Variants in UNC80 observed in about 807,000 individuals in gnomAD.
UNC80 encodes unc-80 subunit of NALCN channel complex.
A neutral mutation model predicts 384.6 loss-of-function variants in UNC80; 164 were observed. That is an observed-to-expected ratio of 0.43 (90% CI 0.38 to 0.49). UNC80 has a LOEUF of 0.49. Among genes scored for constraint, UNC80 ranks in the 20% least tolerant of loss-of-function variants. The pLI is 0.00. For missense variants in UNC80, 3,330 were observed against 4,143.0 expected, an observed-to-expected ratio of 0.80 and a Z score of 5.39; for synonymous variants, 1,486 against 1,527.8, an observed-to-expected ratio of 0.97 and a Z score of 0.64.
At chr2:209,966,863 G>A (rs571273419) in intron 51 of UNC80, among the ~76,000 whole-genome samples, 28 of 152,290 alleles carry the variant, frequency 1.8e-4, no homozygotes, top group Admixed American at 1.6e-3. Flanking sequence ...AACAAGAGAG[G>A]AGGAGGCTTT....
chr2:209,803,988 C>T (rs2078723908), intron 7 of UNC80, among the ~76,000 whole-genome samples: 1 of 152,182 alleles, frequency 6.6e-6, no homozygotes. Flanking sequence ...CCTCCTGCCT[C>T]AGCCTTTCAC....
At chr2:209,855,062 T>C in intron 22 of UNC80, among the ~76,000 whole-genome samples, 1 of 152,196 alleles carries the variant, frequency 6.6e-6, no homozygotes, top group Non-Finnish European at 1.5e-5. Flanking sequence ...CCATCAATAA[T>C]AGACCGGATA....
chr2:209,787,721 A>C (rs2077529665), intron 5 of UNC80, among the ~76,000 whole-genome samples: 1 of 152,220 alleles, frequency 6.6e-6, no homozygotes, highest in Non-Finnish European at 1.5e-5. Context: ...AGCCCATACA[A>C]TTATATACGC....
At chr2:209,800,498 A>G (rs1351315994) in intron 7 of UNC80, among the ~76,000 whole-genome samples, 1 of 151,288 alleles carries the variant, frequency 6.6e-6, no homozygotes. Flanking sequence ...ATTTAAAAAA[A>G]AAAAAACAGC....
intron 21 of UNC80, among the ~76,000 whole-genome samples, chr2:209,848,330 G>A (rs1375819074): frequency 6.6e-6 from 1 of 151,948 alleles, no homozygotes; most frequent in East Asian, 1.9e-4. Context: ...AAACACTGAA[G>A]GTATTGAATT....
At position 209,967,419 on chromosome 2, in the gene UNC80, C is replaced by T. The variant is rs544326520; in HGVS notation, c.7806-18C>T. On this transcript the variant is annotated intron_variant, in intron 51 of 64. Coordinates refer to ENST00000673920, the MANE Select transcript of UNC80 (RefSeq NM_001371986.1). ...AAGCTTATACTTTAAAATATATATACATATATATATATTTTAGGTTGGCAG... is the reference window on the plus strand; with the variant it reads ...AAGCTTATACTTTAAAATATATATATATATATATATATTTTAGGTTGGCAG... The T allele has an allele frequency of 6.8e-7, 1 of 1,478,888 alleles. No individual in the cohort carries two copies. Among genetic ancestry groups the T allele is most frequent in the Non-Finnish European group, 9.1e-7 (1 of 1,098,440 alleles). The allele number at this position is 1,478,888 out of a possible 1,614,324, so 91.6% of individuals were successfully genotyped here. A position where few individuals can be genotyped will look rare whatever the true frequency, so the allele number is the denominator to read the frequency against.
intron 31 of UNC80, among the ~76,000 whole-genome samples, chr2:209,914,648 A>ATTGT (rs2089316565): frequency 8.8e-6 from 1 of 114,278 alleles, no homozygotes; most frequent in Non-Finnish European, 1.8e-5. Context: ...TCTAGGGTAA[A>ATTGT]CTGTGTGTGT....
chr2:209,971,024 C>T, intron 54 of UNC80, 67 bp downstream of exon 54: 1 of 1,494,162 alleles, frequency 6.7e-7, no homozygotes, highest in Non-Finnish European at 8.9e-7. Flanking sequence ...TCATGGTGTT[C>T]TCGTTTTTTT....
At chr2:209,844,487 C>T (rs1223368927) in intron 21 of UNC80, among the ~76,000 whole-genome samples, 5 of 82,768 alleles carry the variant, frequency 6.0e-5, no homozygotes, top group Admixed American at 1.2e-4. Context: ...TTCCTTCCTT[C>T]CTTCCTTCCT....
chr2:209,976,341 CAAAT>C lies in UNC80; in HGVS notation c.8772+39_8772+42del. 1 of 1,551,202 alleles carries C rather than the reference CAAAT, an allele frequency of 6.4e-7. No individual in the cohort carries two copies. The highest frequency in any genetic ancestry group is 1.4e-5 in the African/African-American group (1 of 73,126). ...CTTCTCCTCCTGAAAGTGGCAAGCTCAAATGAATGTGTGGCTCTCTACTGAGGCA... is the reference window on the plus strand; with the variant it reads ...CTTCTCCTCCTGAAAGTGGCAAGCTCGAATGTGTGGCTCTCTACTGAGGCA... On this transcript the variant is annotated intron_variant, in intron 57 of 64. Transcript: ENST00000673920. This position sits in a 1 kb window ranked among gnomAD's most constrained non-coding sequence, Gnocchi z 4.3.
Position 209,959,545 on chromosome 2 carries a change from A to C in UNC80, c.7643A>C (p.Glu2548Ala). The C allele has an allele frequency of 6.4e-7, 1 of 1,551,708 alleles. No homozygotes were observed. Among genetic ancestry groups the C allele is most frequent in the Non-Finnish European group, 8.7e-7 (1 of 1,146,994 alleles). Reference protein sequence around the residue: ...GQGIPREELDERIAREEFRRP... With the variant: ...GQGIPREELDARIAREEFRRP... ...GGCATTCCCAGAGAGGAACTGGATGAACGAATTGCTCGGGAAGAGTTCAGA... is the reference window on the plus strand; with the variant it reads ...GGCATTCCCAGAGAGGAACTGGATGCACGAATTGCTCGGGAAGAGTTCAGA... The change falls in exon 51 of 65, where the codon GAA (glutamate) becomes GCA (alanine). Residue 2548 changes from glutamate to alanine, a missense_variant. Transcript: ENST00000673920.
intron 52 of UNC80, 151 bp from the exon 53 acceptor site, chr2:209,969,617 A>G: frequency 9.5e-7 from 1 of 1,054,904 alleles, no homozygotes. Flanking sequence ...TTCCCCTCCC[A>G]GTATGCTCTG....
chr2:209,879,319 G>C (rs574624428), intron 24 of UNC80, among the ~76,000 whole-genome samples: 11 of 152,148 alleles, frequency 7.2e-5, no homozygotes, highest in African/African-American at 2.4e-4. Context: ...TCAGAACAGA[G>C]AGAAGTTGAA....
intron 21 of UNC80, among the ~76,000 whole-genome samples, chr2:209,845,691 C>G (rs1250139683): frequency 6.6e-6 from 1 of 152,120 alleles, no homozygotes; most frequent in Non-Finnish European, 1.5e-5. Context: ...GTGCTTTGGG[C>G]TGGCAAGAGA....
chr2:209,793,216 T>C (rs1000350135), intron 6 of UNC80, among the ~76,000 whole-genome samples: 4 of 152,234 alleles, frequency 2.6e-5, no homozygotes, highest in African/African-American at 9.6e-5. Flanking sequence ...TGTGTACTTA[T>C]AAATCAGAAT....
At position 209,967,473 on chromosome 2, in the gene UNC80, A is replaced by G. The variant is rs2125008942; in HGVS notation, c.7842A>G (p.Ala2614=). The change falls in exon 52 of 65, where the codon GCA becomes GCG. Residue 2614 remains alanine, a synonymous_variant. Coordinates refer to ENST00000673920, the MANE Select transcript of UNC80 (RefSeq NM_001371986.1). ...TTGCACACTCCCTTCTGAAGCTGGC[A>G]CCATATGACACTCAGACAATGGAGA... is the stretch of plus-strand genomic sequence containing the variant. ...AEIAHSLLKL[A]PYDTQTMESR... 1 of 1,551,410 alleles carries G rather than the reference A, an allele frequency of 6.4e-7. No individual in the cohort carries two copies. The highest frequency in any genetic ancestry group is 2.4e-5 in the East Asian group (1 of 40,914).
intron 35 of UNC80, among the ~76,000 whole-genome samples, chr2:209,922,801 TTTTGTTTTTG>T (rs1453158715): frequency 1.3e-5 from 2 of 150,280 alleles, no homozygotes; most frequent in African/African-American, 5.0e-5. Flanking sequence ...TAGTTTTTGT[TTTTGTTTTTG>T]TTTTTGTTTT....
intron 48 of UNC80, among the ~76,000 whole-genome samples, chr2:209,955,748 C>CAT (rs1559390877): frequency 9.8e-6 from 1 of 102,290 alleles, no homozygotes; most frequent in Non-Finnish European, 1.8e-5. Context: ...TACACACACA[C>CAT]ACACACACAC....
intron 23 of UNC80, among the ~76,000 whole-genome samples, chr2:209,877,541 T>G (rs1321178885): frequency 6.6e-6 from 1 of 152,180 alleles, no homozygotes; most frequent in Non-Finnish European, 1.5e-5. Context: ...GACAGTGACA[T>G]TCTCATTAAA....
Sources: gnomAD v4.1 joint callset for allele counts (sites outside exome capture counted in the v4.1 genomes callset) on GRCh38, gnomAD v4.1.1 for gene constraint, Gnocchi (gnomAD v3.1) non-coding constraint, MANE v1.5 for transcripts, NCBI Gene and HGNC (gene_info 2026-07-23, HGNC 2026-07-21) for gene names.